Variants in LRPPRC observed in about 807,000 individuals in gnomAD.
LRPPRC encodes the protein leucine-rich PPR motif-containing protein, mitochondrial.
In LRPPRC, 120 loss-of-function variants were observed where a neutral mutation model predicts 180.3. The ratio of observed to expected loss-of-function variants is 0.67; its 90% CI spans 0.57 to 0.77. The LOEUF (loss-of-function observed/expected upper bound fraction) is 0.77, where lower values mean the gene tolerates loss of function less well. Among genes scored for constraint, LRPPRC ranks in the 30% least tolerant of loss-of-function variants. LRPPRC has a pLI of 0.00. For synonymous variants in LRPPRC, 723 were observed against 600.0 expected (o/e 1.21, Z -3.00); for missense variants, 2,012 against 1,657.2 (o/e 1.21, Z -3.72).
chr2:43,976,720 A>C (rs533946621), intron 5 of LRPPRC, among the ~76,000 whole-genome samples: 15 of 148,970 alleles, frequency 1.0e-4, no homozygotes, highest in Non-Finnish European at 1.9e-4. Flanking sequence ...AAAAAAAAAA[A>C]AAAAAAAGCA....
intron 30 of LRPPRC, among the ~76,000 whole-genome samples, chr2:43,909,361 G>GCAA (rs750501730): frequency 0.16 from 23,954 of 151,944 alleles, 2,029 homozygotes; most frequent in Middle Eastern, 0.21. Flanking sequence ...AACCCTGGTG[G>GCAA]ATAACACAGC....
chr2:43,948,163 G>A lies in LRPPRC; in HGVS notation c.1879C>T (p.Arg627Cys), dbSNP rs776514302. 39 of 1,606,858 alleles carry A rather than the reference G, an allele frequency of 2.4e-5. No homozygotes were observed. The highest frequency in any genetic ancestry group is 3.1e-5 in the Non-Finnish European group (36 of 1,173,582). The change falls in exon 18 of 38, where the codon CGT (arginine) becomes TGT (cysteine). Residue 627 changes from arginine (R) to cysteine (C), a missense_variant. Physicochemically the swap from Arg to Cys is radical, Grantham distance 180. Coordinates refer to ENST00000260665, the MANE Select transcript of LRPPRC (RefSeq NM_133259.4). ...KIPENIYRGIRNLLESYHVPE... is the reference protein window; with the variant it reads ...KIPENIYRGICNLLESYHVPE... ...ACATGGTAGCTTTCCAGGAGATTACGAATGCCTCTGTAGATATTTTCAGGA... is the reference window on the plus strand; with the variant it reads ...ACATGGTAGCTTTCCAGGAGATTACAAATGCCTCTGTAGATATTTTCAGGA...
intron 14 of LRPPRC, among the ~76,000 whole-genome samples, chr2:43,955,028 G>C (rs1451938626): frequency 6.6e-6 from 1 of 152,112 alleles, no homozygotes; most frequent in Non-Finnish European, 1.5e-5. Flanking sequence ...CTTAATTTTG[G>C]CTTCCACGAT....
intron 25 of LRPPRC, among the ~76,000 whole-genome samples, chr2:43,929,828 A>G (rs1049403764): frequency 3.3e-5 from 5 of 152,270 alleles, no homozygotes; most frequent in Admixed American, 6.5e-5. Context: ...TTAACAAACT[A>G]TCATGAACTA....
rs1168737331 is a variant in LRPPRC, at chr2:43,968,087, C to G, written c.1370-4381G>C. Among the ~76,000 whole-genome samples the G allele has an allele frequency of 5.3e-5, 8 of 151,646 alleles. No homozygotes were observed. The East Asian group carries it at 1.5e-3, about 29-fold the overall frequency. The stretch of plus-strand genomic sequence containing the variant: ...ACGGCTAAGTTGCTGGTGAGATACT[C>G]TGGTGAAATGACAAAAAAAAAAAGG... On this transcript the variant is annotated intron_variant, in intron 11 of 37. Coordinates refer to ENST00000260665, the MANE Select transcript of LRPPRC (RefSeq NM_133259.4).
chr2:43,915,695 G>A (rs1463461825), intron 29 of LRPPRC, among the ~76,000 whole-genome samples: 22 of 152,096 alleles, frequency 1.4e-4, no homozygotes, highest in Admixed American at 1.4e-3. Context: ...AAATGACTCA[G>A]AATGAATAAA....
intron 25 of LRPPRC, among the ~76,000 whole-genome samples, chr2:43,927,386 T>C (rs978845438): frequency 1.3e-5 from 2 of 152,178 alleles, no homozygotes; most frequent in African/African-American, 2.4e-5. Flanking sequence ...AGACTAGAAG[T>C]TGGATAGCTT....
intron 1 of LRPPRC, among the ~76,000 whole-genome samples, chr2:43,992,750 T>A (rs913261025): frequency 1.3e-5 from 2 of 152,004 alleles, no homozygotes; most frequent in Admixed American, 6.6e-5. Flanking sequence ...GGAAGGCAGG[T>A]AGAAACAGCA....
At chr2:43,954,143 A>C (rs1309004520) in intron 14 of LRPPRC, among the ~76,000 whole-genome samples, 1 of 152,220 alleles carries the variant, frequency 6.6e-6, no homozygotes, top group Admixed American at 6.5e-5. Context: ...TAACTATCCA[A>C]GATCTTATCC....
At chr2:43,915,232 T>TCTCTCTCTCTCTCTCACACACA (rs1174216406) in intron 29 of LRPPRC, among the ~76,000 whole-genome samples, 1 of 51,838 alleles carries the variant, frequency 1.9e-5, no homozygotes, top group Non-Finnish European at 3.5e-5. Context: ...TCTCTCTCTC[T>TCTCTCTCTCTCTCTCACACACA]CACACACACA....
At chr2:43,986,259 A>G (rs538069181) in intron 1 of LRPPRC, among the ~76,000 whole-genome samples, 1 of 152,222 alleles carries the variant, frequency 6.6e-6, no homozygotes, top group South Asian at 2.1e-4. Context: ...CCTCCTGAGT[A>G]GCTGGGATTA....
chr2:43,899,800 G>A (rs952615710), intron 32 of LRPPRC, among the ~76,000 whole-genome samples, 195 bp from the exon 33 acceptor site: 1 of 152,198 alleles, frequency 6.6e-6, no homozygotes, highest in Non-Finnish European at 1.5e-5. Flanking sequence ...ACATTCACTA[G>A]CTGGTTCGTG....
chr2:43,957,535 C>A (rs1255042478), intron 13 of LRPPRC, 84 bp from the exon 14 acceptor site: 6 of 957,000 alleles, frequency 6.3e-6, no homozygotes, highest in African/African-American at 3.3e-5. Context: ...CATATTTATA[C>A]CAATACCTTT....
chr2:43,996,066 G>A (rs532686655), upstream of LRPPRC: 1 of 980,556 alleles, frequency 1.0e-6, no homozygotes, highest in Non-Finnish European at 1.5e-6. Flanking sequence ...TGTGGGGGGA[G>A]CGACGGATTG....
chr2:43,927,107 G>C (rs1418708356), intron 25 of LRPPRC, among the ~76,000 whole-genome samples: 1 of 152,140 alleles, frequency 6.6e-6, no homozygotes, highest in East Asian at 1.9e-4. Context: ...TCATCTGCAA[G>C]AGGGCTTCAC....
chr2:43,912,115 G>T (rs1439716584), intron 30 of LRPPRC, among the ~76,000 whole-genome samples: 2 of 152,020 alleles, frequency 1.3e-5, no homozygotes, highest in African/African-American at 4.8e-5. Flanking sequence ...CACCACAAAA[G>T]GTACATGGAT....
intron 37 of LRPPRC, among the ~76,000 whole-genome samples, chr2:43,889,256 A>G (rs1415317878): frequency 8.4e-5 from 11 of 130,250 alleles, no homozygotes; most frequent in Non-Finnish European, 1.6e-4. Flanking sequence ...CGGAGGTTGC[A>G]GTGAGCCGAG....
intron 15 of LRPPRC, among the ~76,000 whole-genome samples, chr2:43,949,924 T>G (rs1022795791): frequency 1.3e-5 from 2 of 152,212 alleles, no homozygotes; most frequent in Middle Eastern, 3.2e-3. Context: ...TAAACTGATT[T>G]ATAAATTGAT....
At chr2:43,951,872 T>A (rs1178814364) in intron 14 of LRPPRC, among the ~76,000 whole-genome samples, 1 of 152,210 alleles carries the variant, frequency 6.6e-6, no homozygotes, top group African/African-American at 2.4e-5. Context: ...CATATATTTT[T>A]ATCAAAGTAT....
Sources: allele counts gnomAD v4.1 joint callset (sites outside exome capture counted in the v4.1 genomes callset), GRCh38; gene constraint gnomAD v4.1.1; transcripts MANE v1.5; gene names NCBI Gene and HGNC (gene_info 2026-07-23, HGNC 2026-07-21).